The following MYO1D variants were observed in gnomAD, a reference collection of about 807,000 sequenced individuals.
MYO1D encodes unconventional myosin-Id.
A neutral mutation model predicts 122.0 loss-of-function variants in MYO1D; 83 were observed. The observed-to-expected ratio is 0.68, with a 90% CI of 0.57 to 0.82. The LOEUF is 0.82. MYO1D is among the 40% of genes least tolerant of loss of function. The pLI, the probability that MYO1D is intolerant of heterozygous loss-of-function variation, is 0.00. For missense variants in MYO1D, 1,157 were observed against 1,269.5 expected, an observed-to-expected ratio of 0.91 and a Z score of 1.35; for synonymous variants, 464 against 446.9, an observed-to-expected ratio of 1.04 and a Z score of -0.48.
intron 14 of MYO1D, among the ~76,000 whole-genome samples, chr17:32,730,954 G>A (rs977347358): frequency 8.1e-5 from 12 of 148,908 alleles, no homozygotes; most frequent in South Asian, 4.3e-4. Flanking sequence ...TCGCCCAGGC[G>A]GGAGTGCAGT....
chr17:32,867,340 AG>A (rs1358254419), intron 1 of MYO1D, among the ~76,000 whole-genome samples: 211 of 151,498 alleles, frequency 1.4e-3, no homozygotes, highest in African/African-American at 4.9e-3. Flanking sequence ...AAAAAAAAAA[AG>A]AATTGTCTGT....
At chr17:32,554,162 T>C (rs1029388872) in intron 21 of MYO1D, among the ~76,000 whole-genome samples, 15 of 152,206 alleles carry the variant, frequency 9.9e-5, no homozygotes, top group Non-Finnish European at 2.1e-4. Flanking sequence ...AAAACTCCAC[T>C]GGGATTCTCA....
intron 14 of MYO1D, chr17:32,727,605 C>T (rs946647754): frequency 8.6e-5 from 13 of 152,028 alleles, no homozygotes; most frequent in East Asian, 1.9e-4. Flanking sequence ...TTACCTTTCT[C>T]CCACAATAAT....
At chr17:32,845,920 C>G (rs1413342910) in intron 1 of MYO1D, among the ~76,000 whole-genome samples, 3 of 151,684 alleles carry the variant, frequency 2.0e-5, no homozygotes, top group African/African-American at 7.3e-5. Context: ...ATGGTACGAG[C>G]TTCTGAAATA....
chr17:32,549,592 T>C (rs970444225), intron 21 of MYO1D, among the ~76,000 whole-genome samples: 1 of 152,222 alleles, frequency 6.6e-6, no homozygotes, highest in African/African-American at 2.4e-5. Context: ...TAGCTAACGT[T>C]TGGAGAGGGT....
At chr17:32,583,252 T>A (rs572628247) in intron 21 of MYO1D, among the ~76,000 whole-genome samples, 24 of 152,344 alleles carry the variant, frequency 1.6e-4, no homozygotes, top group Non-Finnish European at 3.2e-4. Context: ...TCCTCTGTCA[T>A]CTTATCCTTA....
rs1388922471 is a variant in MYO1D at position 32,653,834 on chromosome 17, T to G, written c.2595+9A>C. 1 of 1,607,244 alleles carries G rather than the reference T, an allele frequency of 6.2e-7. No individual in the cohort carries two copies. Among genetic ancestry groups the G allele is most frequent in the African/African-American group, 1.3e-5 (1 of 74,750 alleles). Reference sequence around the variant, plus strand: ...CTTTCCAAGATGATCTGGTTTAAGCTTGCCTTACCTTACGGACGTGACAGG... The same window carrying G: ...CTTTCCAAGATGATCTGGTTTAAGCGTGCCTTACCTTACGGACGTGACAGG... On this transcript the variant is annotated intron_variant, in intron 19 of 21. Transcript: ENST00000318217.
chr17:32,702,501 TTATCTTTTTCA>T lies in MYO1D; in HGVS notation c.2121+9476_2121+9486del, dbSNP rs60708862. ...GGCTTTTTTTTCCCTGTTCTTGGCT[TTATCTTTTTCA>T]TATCTTTTTCTCTTTCACGTCTTTC... On this transcript the variant is annotated intron_variant, in intron 16 of 21. Transcript: ENST00000318217. 4.1e-3 allele frequency among the ~76,000 whole-genome samples: 617 copies of T among 152,266 alleles called. 6 individuals are homozygous for T. Among genetic ancestry groups the T allele is most frequent in the African/African-American group, 0.012 (510 of 41,534 alleles).
chr17:32,514,862 A>G (rs1909834672), intron 21 of MYO1D, among the ~76,000 whole-genome samples: 1 of 152,236 alleles, frequency 6.6e-6, no homozygotes, highest in Admixed American at 6.5e-5. Flanking sequence ...TGCTTAATCA[A>G]AAGAGGAGAC....
chr17:32,669,889 CTTTTTCT>C (rs2088686912), intron 16 of MYO1D, among the ~76,000 whole-genome samples: 1 of 149,222 alleles, frequency 6.7e-6, no homozygotes, highest in Non-Finnish European at 1.5e-5. Flanking sequence ...AAGACATTTT[CTTTTTCT>C]TTTTTCTTTT....
At chr17:32,867,617 T>G (rs2091138673) in intron 1 of MYO1D, among the ~76,000 whole-genome samples, 1 of 151,210 alleles carries the variant, frequency 6.6e-6, no homozygotes, top group Non-Finnish European at 1.5e-5. Context: ...GCCAACATGG[T>G]GAAACCCTGT....
At chr17:32,651,671 C>T (rs1405963289) in intron 19 of MYO1D, among the ~76,000 whole-genome samples, 1 of 150,842 alleles carries the variant, frequency 6.6e-6, no homozygotes, top group Non-Finnish European at 1.5e-5. Context: ...TATCTTTTTC[C>T]CACTTTTTTT....
At chr17:32,616,458 C>G (rs1217286816) in intron 20 of MYO1D, among the ~76,000 whole-genome samples, 2 of 151,606 alleles carry the variant, frequency 1.3e-5, no homozygotes, top group Non-Finnish European at 2.9e-5. Flanking sequence ...CAGGCATGTA[C>G]CACCACATCT....
At chr17:32,659,947 G>A (rs1052582419) in intron 16 of MYO1D, among the ~76,000 whole-genome samples, 4 of 152,088 alleles carry the variant, frequency 2.6e-5, no homozygotes, top group African/African-American at 9.7e-5. Flanking sequence ...CTATATAAAC[G>A]CCTCAATGCC....
chr17:32,811,613 C>CCA (rs2151050764), intron 1 of MYO1D, among the ~76,000 whole-genome samples: 1 of 137,398 alleles, frequency 7.3e-6, no homozygotes, highest in South Asian at 2.5e-4. Context: ...CAACCCTCAC[C>CCA]CTCTTTTTTT....
chr17:32,834,995 AGT>A (rs2090808329), intron 1 of MYO1D, among the ~76,000 whole-genome samples: 1 of 152,168 alleles, frequency 6.6e-6, no homozygotes, highest in Non-Finnish European at 1.5e-5. Context: ...CTGGTGACAG[AGT>A]AAGACTCTGC....
At chr17:32,650,904 C>T (rs750354634) in intron 19 of MYO1D, among the ~76,000 whole-genome samples, 6 of 151,830 alleles carry the variant, frequency 4.0e-5, no homozygotes, top group Non-Finnish European at 8.8e-5. Flanking sequence ...TTTTTTTTCT[C>T]CTTATGAGTT....
chr17:32,534,816 G>A (rs1313654807), intron 21 of MYO1D, among the ~76,000 whole-genome samples: 2 of 152,056 alleles, frequency 1.3e-5, no homozygotes, highest in Non-Finnish European at 2.9e-5. Context: ...ACCAGCTGGA[G>A]GGCCACAAGA....
At chr17:32,671,070 A>G (rs1488134810) in intron 16 of MYO1D, among the ~76,000 whole-genome samples, 1 of 152,210 alleles carries the variant, frequency 6.6e-6, no homozygotes, top group African/African-American at 2.4e-5. Flanking sequence ...GAGTGGGGCA[A>G]AAGGCTGATG....
Sources: allele counts gnomAD v4.1 joint callset (sites outside exome capture counted in the v4.1 genomes callset), GRCh38; gene constraint gnomAD v4.1.1; transcripts MANE v1.5; gene names NCBI Gene and HGNC (gene_info 2026-07-23, HGNC 2026-07-21).